MEP1B: variants seen among roughly 807,000 people sequenced by gnomAD.
MEP1B encodes the protein meprin A subunit beta.
A neutral mutation model predicts 84.6 loss-of-function variants in MEP1B; 80 were observed. The observed-to-expected ratio is 0.95, with a 90% CI of 0.79 to 1.14. MEP1B has a LOEUF of 1.14. Among genes scored for constraint, MEP1B ranks in the 50% most tolerant of loss-of-function variants. The probability of loss-of-function intolerance (pLI) is 0.00; values close to 1 mark genes in which losing one functional copy is unlikely to be tolerated. For missense variants in MEP1B, 766 were observed against 855.1 expected (o/e 0.90, Z 1.30); for synonymous variants, 273 against 288.1 (o/e 0.95, Z 0.53).
chr18:32,193,974 C>T (rs534981091), intron 4 of MEP1B, among the ~76,000 whole-genome samples: 1 of 152,290 alleles, frequency 6.6e-6, no homozygotes, highest in Non-Finnish European at 1.5e-5. Context: ...TGAATGTCTA[C>T]AAGACGTCTC....
intron 14 of MEP1B, among the ~76,000 whole-genome samples, 185 bp from the exon 15 acceptor site, chr18:32,220,046 T>C (rs2041134305): frequency 1.3e-5 from 2 of 152,146 alleles, no homozygotes; most frequent in Non-Finnish European, 2.9e-5. Flanking sequence ...ATCTGAATAA[T>C]GTGGGCCCGA....
chr18:32,211,679 C>T (rs2041029404), intron 10 of MEP1B, among the ~76,000 whole-genome samples: 2 of 152,026 alleles, frequency 1.3e-5, no homozygotes, highest in Non-Finnish European at 2.9e-5. Flanking sequence ...CCCTTCATAC[C>T]AATAATGTGT....
At chr18:32,199,664 G>C (rs2161823) in intron 5 of MEP1B, among the ~76,000 whole-genome samples, 24,981 of 90,912 alleles carry the variant, frequency 0.27, 2,575 homozygotes, top group African/African-American at 0.3. Context: ...TTTTCCTTTC[G>C]TTCGTTCCTT....
At chr18:32,212,043 ATATAT>A (rs1176250849) in intron 10 of MEP1B, among the ~76,000 whole-genome samples, 2 of 147,994 alleles carry the variant, frequency 1.4e-5, no homozygotes, top group Admixed American at 6.8e-5. Flanking sequence ...ATTATATATA[ATATAT>A]TATATATTAC....
chr18:32,203,947 C>G (rs1214426007), intron 6 of MEP1B, among the ~76,000 whole-genome samples: 1 of 152,142 alleles, frequency 6.6e-6, no homozygotes, highest in Non-Finnish European at 1.5e-5. Flanking sequence ...GACTCAAATA[C>G]CTCCCATGAG....
At position 32,202,946 on chromosome 18, in the gene MEP1B, A is replaced by C; in HGVS notation, c.304A>C (p.Thr102Pro). ...LNAFERYRLK[T>P]CIDFKPWAGE... Reference sequence around the variant, plus strand: ...TGCATTTGAACGTTATCGCCTTAAAACATGTATTGACTTTAAGCCTTGGGC... The same window carrying C: ...TGCATTTGAACGTTATCGCCTTAAACCATGTATTGACTTTAAGCCTTGGGC... The change falls in exon 6 of 15, where the codon ACA (threonine) becomes CCA (proline). Residue 102 changes from threonine (T) to proline (P), a missense_variant. Physicochemically the swap from Thr to Pro is conservative, Grantham distance 38 (BLOSUM62 -1). Coordinates refer to ENST00000269202, the MANE Select transcript of MEP1B (RefSeq NM_005925.3). The C allele has an allele frequency of 6.2e-7, 1 of 1,613,102 alleles. No homozygotes were observed. Among genetic ancestry groups the C allele is most frequent in the Non-Finnish European group, 8.5e-7 (1 of 1,179,546 alleles).
chr18:32,207,229 A>T (rs2040974554), intron 7 of MEP1B, 23 bp from the exon 8 acceptor site: 4 of 1,510,654 alleles, frequency 2.6e-6, no homozygotes, highest in Admixed American at 1.7e-5. Flanking sequence ...ACATCAAGTA[A>T]AGATTTTTTA....
chr18:32,211,920 G>A (rs1244656577), intron 10 of MEP1B, among the ~76,000 whole-genome samples: 1 of 151,706 alleles, frequency 6.6e-6, no homozygotes, highest in African/African-American at 2.4e-5. Context: ...AAATACAGGC[G>A]ATATTTTTCT....
At chr18:32,207,987 C>A in intron 8 of MEP1B, 132 bp from the exon 9 acceptor site, 1 of 854,920 alleles carries the variant, frequency 1.2e-6, no homozygotes, top group Non-Finnish European at 1.8e-6. Flanking sequence ...CTTTAAGCCA[C>A]CATCATCCAG....
chr18:32,214,478 T>A (rs2041062904), intron 11 of MEP1B, among the ~76,000 whole-genome samples: 2 of 152,326 alleles, frequency 1.3e-5, no homozygotes, highest in South Asian at 2.1e-4. Context: ...TTGTAGGGAC[T>A]TGACATTCAG....
intron 14 of MEP1B, 50 bp from the exon 15 acceptor site, chr18:32,220,181 C>G: frequency 6.7e-7 from 1 of 1,491,148 alleles, no homozygotes; most frequent in Non-Finnish European, 9.2e-7. Context: ...ATTTAAATAG[C>G]AGTTTTTAAA....
intron 10 of MEP1B, among the ~76,000 whole-genome samples, chr18:32,212,892 A>AAACAGCTAG (rs1423192419): frequency 6.6e-6 from 1 of 152,154 alleles, no homozygotes; most frequent in Non-Finnish European, 1.5e-5. Context: ...TCTATTTGAG[A>AAACAGCTAG]AACAGCTAGA....
At chr18:32,203,163 T>C in intron 6 of MEP1B, 153 bp downstream of exon 6, 1 of 523,314 alleles carries the variant, frequency 1.9e-6, no homozygotes, top group Non-Finnish European at 3.4e-6. Context: ...GGATCTAGTT[T>C]TTGTAGACAT....
At position 32,210,622 on chromosome 18, in the gene MEP1B, CAGTGGCAGTGAA is replaced by C. The variant is rs1262944054; in HGVS notation, c.1046_1057del (p.Gly349_Ser352del). 14 of 1,613,870 alleles carry C rather than the reference CAGTGGCAGTGAA, an allele frequency of 8.7e-6. No homozygotes were observed. In the Admixed American group the frequency reaches 2.2e-4, roughly 25 times the overall value. ...AGTGCCTGCAATTTTACTTATATAA[CAGTGGCAGTGAA>C]AGTGATCAACTGAACATCTATATCA... On this transcript the variant is annotated inframe_deletion, in exon 10 of 15. Transcript: ENST00000269202.
In MEP1B at chr18:32,213,305, G is replaced by A; in HGVS notation, c.1325G>A (p.Gly442Asp). 2.5e-6 allele frequency: 4 copies of A among 1,613,922 alleles called. No individual in the cohort carries two copies. The highest frequency in any genetic ancestry group is 1.3e-5 in the African/African-American group (1 of 75,018). Residue 442 changes from glycine to aspartate, a missense_variant, in exon 11 of 15, where the codon GGC becomes GAC. Gly to Asp is a moderately conservative substitution (Grantham distance 94, BLOSUM62 -1). Coordinates refer to ENST00000269202, the MANE Select transcript of MEP1B (RefSeq NM_005925.3). ...WHIRNFTQFI[G>D]SPNGTLYSPP... ...ATAAGGAATTTCACACAGTTCATTG[G>A]CAGCCCAAATGGAACTCTGTATAGC...
At position 32,208,121 on chromosome 18, in the gene MEP1B, TCTTC is replaced by T; in HGVS notation, c.773_776del (p.Ser258Ter). On this transcript the variant is annotated frameshift_variant, in exon 9 of 15. Transcript: ENST00000269202. LOFTEE classifies it high-confidence loss of function. Reference sequence around the variant, plus strand: ...TAATTGTTTTTTGCTTTTTGTAGCCTCTTCCTTGAGTTTTATGGACTCGTGCAGT... The same window carrying T: ...TAATTGTTTTTTGCTTTTTGTAGCCTCTTGAGTTTTATGGACTCGTGCAGT... 1 of 1,613,414 alleles carries T rather than the reference TCTTC, an allele frequency of 6.2e-7. No individual in the cohort carries two copies. Among genetic ancestry groups the T allele is most frequent in the Non-Finnish European group, 8.5e-7 (1 of 1,179,460 alleles).
At position 32,196,850 on chromosome 18, in the gene MEP1B, G is replaced by C. The variant is rs978568147; in HGVS notation, c.250+1365G>C. On this transcript the variant is annotated intron_variant, in intron 5 of 14. Coordinates refer to ENST00000269202, the MANE Select transcript of MEP1B (RefSeq NM_005925.3). This position sits in a 1 kb window ranked among gnomAD's most constrained non-coding sequence, Gnocchi z 4.4. ...TCTGCTGGCTTCTCAGGGCCTCTGC[G>C]TACTTGCCCATGATGTAGTGGAGGC... 3.7e-6 allele frequency: 2 copies of C among 546,564 alleles called. No individual in the cohort carries two copies. Among genetic ancestry groups the C allele is most frequent in the East Asian group, 3.7e-5 (1 of 27,130 alleles). 33.9% of individuals were successfully genotyped at this position (546,564 alleles called of 1,614,324 possible). A position where few individuals can be genotyped will look rare whatever the true frequency, so the allele number is the denominator to read the frequency against.
At chr18:32,217,568 AT>A (rs1209607467) in intron 13 of MEP1B, among the ~76,000 whole-genome samples, 192 bp from the exon 14 acceptor site, 2 of 151,846 alleles carry the variant, frequency 1.3e-5, no homozygotes. Flanking sequence ...GAGGAATTCC[AT>A]TTTTTCTTTC....
At chr18:32,191,585 C>T (rs2040802292) in intron 1 of MEP1B, among the ~76,000 whole-genome samples, 1 of 151,854 alleles carries the variant, frequency 6.6e-6, no homozygotes, top group South Asian at 2.1e-4. Flanking sequence ...TTTCTTGTTT[C>T]CTTCACCTTC....
Sources: allele counts gnomAD v4.1 joint callset (sites outside exome capture counted in the v4.1 genomes callset), GRCh38; gene constraint gnomAD v4.1.1; non-coding constraint Gnocchi (gnomAD v3.1); transcripts MANE v1.5; gene names NCBI Gene and HGNC (gene_info 2026-07-23, HGNC 2026-07-21).